MSRB3: variants seen among roughly 807,000 people sequenced by gnomAD.
MSRB3 encodes methionine sulfoxide reductase B3, also known as methionine-R-sulfoxide reductase B3.
MSRB3 carries 13 observed loss-of-function variants against 21.0 expected under a neutral mutation model. The observed-to-expected ratio is 0.62, with a 90% confidence interval of 0.40 to 0.98. MSRB3 has a LOEUF of 0.98. Ranked by LOEUF, MSRB3 falls within the 50% of genes least tolerant of loss-of-function variation. MSRB3 has a pLI of 0.00. For missense variants in MSRB3, 199 were observed against 230.3 expected (o/e 0.86, Z 0.88); for synonymous variants, 87 against 88.6 (o/e 0.98, Z 0.10).
intron 1 of MSRB3, among the ~76,000 whole-genome samples, chr12:65,294,157 T>C (rs1269563902): frequency 6.6e-6 from 1 of 152,202 alleles, no homozygotes; most frequent in Admixed American, 6.5e-5. Flanking sequence ...AATCTAGGCA[T>C]GAGCATTGCC....
rs931741525 is a variant in MSRB3, at chr12:65,410,045, T to A, written c.292+41019T>A. Among the ~76,000 whole-genome samples, 6 of 152,298 alleles carry A rather than the reference T, an allele frequency of 3.9e-5. No individual in the cohort carries two copies. The South Asian group carries it at 6.2e-4, about 16-fold the overall frequency. Reference sequence around the variant, plus strand: ...TTCATTCTTTATGATATCTGGCGTGTTGTATTTGAAACCTAGTTTGTCATT... The same window carrying A: ...TTCATTCTTTATGATATCTGGCGTGATGTATTTGAAACCTAGTTTGTCATT... On this transcript the variant is annotated intron_variant, in intron 5 of 6. Coordinates refer to ENST00000308259, the MANE Select transcript of MSRB3 (RefSeq NM_001031679.3).
intron 5 of MSRB3, among the ~76,000 whole-genome samples, chr12:65,449,182 C>A (rs1022328590): frequency 1.5e-4 from 22 of 148,212 alleles, no homozygotes; most frequent in African/African-American, 5.5e-4. Flanking sequence ...GCAGCCCCCA[C>A]CACGCCTGGC....
intron 2 of MSRB3, among the ~76,000 whole-genome samples, chr12:65,316,556 C>T (rs1874313257): frequency 6.6e-6 from 1 of 152,034 alleles, no homozygotes; most frequent in Non-Finnish European, 1.5e-5. Flanking sequence ...AATAGGTGTT[C>T]AATAAATATT....
intron 4 of MSRB3, among the ~76,000 whole-genome samples, chr12:65,339,264 C>A (rs1875983289): frequency 6.6e-6 from 1 of 152,116 alleles, no homozygotes; most frequent in African/African-American, 2.4e-5. Flanking sequence ...TCTGACCTTC[C>A]ACTAGATGCC....
chr12:65,286,194 G>C (rs1872336869), intron 1 of MSRB3: 1 of 152,090 alleles, frequency 6.6e-6, no homozygotes, highest in Non-Finnish European at 1.5e-5. Flanking sequence ...TTGCTTTATG[G>C]ATACTCTCAG....
intron 5 of MSRB3, among the ~76,000 whole-genome samples, chr12:65,416,819 A>G (rs1234182178): frequency 6.6e-6 from 1 of 152,222 alleles, no homozygotes; most frequent in Non-Finnish European, 1.5e-5. Context: ...TATGATAGGA[A>G]TATGTACTGG....
intron 5 of MSRB3, among the ~76,000 whole-genome samples, chr12:65,414,470 A>G (rs1160047519): frequency 1.3e-5 from 2 of 152,338 alleles, no homozygotes; most frequent in South Asian, 2.1e-4. Context: ...ATGTTTAGAT[A>G]CACAAATACT....
chr12:65,307,774 A>G (rs1004187368), intron 1 of MSRB3, among the ~76,000 whole-genome samples: 12 of 152,222 alleles, frequency 7.9e-5, no homozygotes, highest in African/African-American at 2.4e-4. Flanking sequence ...TTACTAAATC[A>G]TGAATATTAT....
At chr12:65,365,378 G>T (rs536523323) in intron 4 of MSRB3, among the ~76,000 whole-genome samples, 8 of 152,204 alleles carry the variant, frequency 5.3e-5, no homozygotes, top group African/African-American at 1.9e-4. Context: ...GGGGGCAGGC[G>T]GGATGCTGAC....
At chr12:65,302,134 A>G (rs1397387425) in intron 1 of MSRB3, among the ~76,000 whole-genome samples, 1 of 152,088 alleles carries the variant, frequency 6.6e-6, no homozygotes, top group African/African-American at 2.4e-5. Flanking sequence ...TCTCAGCTGT[A>G]ATTTTTAATA....
intron 2 of MSRB3, among the ~76,000 whole-genome samples, chr12:65,310,218 T>C (rs900998193): frequency 3.3e-5 from 5 of 152,172 alleles, no homozygotes; most frequent in African/African-American, 1.2e-4. Flanking sequence ...CTTCTCAGTA[T>C]GCCCCCTAGC....
At chr12:65,379,988 T>C (rs1878851288) in intron 5 of MSRB3, among the ~76,000 whole-genome samples, 1 of 152,142 alleles carries the variant, frequency 6.6e-6, no homozygotes. Context: ...ATAATCTAAT[T>C]AAAGAGATGA....
chr12:65,463,176 A>G lies in MSRB3; in HGVS notation c.412A>G (p.Ile138Val), dbSNP rs1565903512. Residue 138 changes from isoleucine to valine, a missense_variant, in exon 7 of 7, where the codon ATT (isoleucine) becomes GTT (valine). Ile to Val is a conservative substitution (Grantham distance 29). Transcript: ENST00000308259. Reference sequence around the variant, plus strand: ...TCAGTGTGGTGCTCACCTTGGGCACATTTTTGATGATGGGCCTCGTCCAAC... The same window carrying G: ...TCAGTGTGGTGCTCACCTTGGGCACGTTTTTGATGATGGGCCTCGTCCAAC... ...CSQCGAHLGHIFDDGPRPTGK... is the reference protein window; with the variant it reads ...CSQCGAHLGHVFDDGPRPTGK... The G allele has an allele frequency of 3.1e-6, 5 of 1,614,142 alleles. No homozygotes were observed. Among genetic ancestry groups the G allele is most frequent in the Admixed American group, 1.7e-5 (1 of 60,022 alleles).
intron 2 of MSRB3, among the ~76,000 whole-genome samples, chr12:65,309,730 C>T (rs1251601079): frequency 2.0e-5 from 3 of 152,128 alleles, no homozygotes; most frequent in Non-Finnish European, 4.4e-5. Flanking sequence ...AGACTGGTAG[C>T]ACAGTTAGCC....
At chr12:65,308,093 T>C (rs1004218713) in intron 1 of MSRB3, among the ~76,000 whole-genome samples, 6 of 152,218 alleles carry the variant, frequency 3.9e-5, no homozygotes, top group African/African-American at 1.4e-4. Flanking sequence ...GTTATTTGCT[T>C]TGTGCCCTTG....
At chr12:65,427,117 G>T (rs762060918) in intron 5 of MSRB3, among the ~76,000 whole-genome samples, 3 of 152,140 alleles carry the variant, frequency 2.0e-5, no homozygotes, top group Middle Eastern at 3.4e-3. Flanking sequence ...TATGTTTCTT[G>T]TTGCCTTATG....
At chr12:65,317,448 A>G (rs1199879224) in intron 2 of MSRB3, among the ~76,000 whole-genome samples, 1 of 152,198 alleles carries the variant, frequency 6.6e-6, no homozygotes, top group African/African-American at 2.4e-5. Context: ...ACATCAGCAT[A>G]AGAAAATCTC....
At chr12:65,354,746 C>T (rs1877280153) in intron 4 of MSRB3, among the ~76,000 whole-genome samples, 1 of 151,768 alleles carries the variant, frequency 6.6e-6, no homozygotes, top group African/African-American at 2.4e-5. Flanking sequence ...GAATAAGAAC[C>T]AGTCATTTGA....
intron 5 of MSRB3, among the ~76,000 whole-genome samples, chr12:65,444,467 A>G (rs562287306): frequency 6.6e-6 from 1 of 152,322 alleles, no homozygotes; most frequent in South Asian, 2.1e-4. Flanking sequence ...TAACATGTCT[A>G]AATATTTTTA....
Sources: allele counts gnomAD v4.1 joint callset (sites outside exome capture counted in the v4.1 genomes callset), GRCh38; gene constraint gnomAD v4.1.1; transcripts MANE v1.5; gene names NCBI Gene and HGNC (gene_info 2026-07-23, HGNC 2026-07-21).